The following AKAP12 variants were observed in gnomAD, a reference collection of about 807,000 sequenced individuals.
The protein encoded by AKAP12 is A-kinase anchoring protein 12.
A neutral mutation model predicts 79.9 loss-of-function variants in AKAP12; 32 were observed. The observed-to-expected ratio is 0.40, with a 90% CI of 0.30 to 0.54. AKAP12 has a LOEUF of 0.54. Among genes scored for constraint, AKAP12 ranks in the 20% least tolerant of loss-of-function variants. The pLI is 0.48. For synonymous variants in AKAP12, 808 were observed against 857.0 expected, an observed-to-expected ratio of 0.94 and a Z score of 1.00; for missense variants, 2,074 against 2,177.0, an observed-to-expected ratio of 0.95 and a Z score of 0.94.
intron 2 of AKAP12, among the ~76,000 whole-genome samples, chr6:151,277,876 A>T (rs1776314644): frequency 6.6e-6 from 1 of 152,124 alleles, no homozygotes; most frequent in African/African-American, 2.4e-5. Flanking sequence ...TACAGCATTA[A>T]TCATTGAAAT....
At chr6:151,286,061 A>T (rs1158664922) in intron 2 of AKAP12, among the ~76,000 whole-genome samples, 2 of 152,094 alleles carry the variant, frequency 1.3e-5, no homozygotes, top group African/African-American at 4.8e-5. Flanking sequence ...TATTTTTAGT[A>T]GGGACGAGGT....
At chr6:151,325,738 G>T in intron 3 of AKAP12, 1 of 1,554,966 alleles carries the variant, frequency 6.4e-7, no homozygotes, top group Non-Finnish European at 8.7e-7. Context: ...GGAGTGTCTG[G>T]GCGCTCAGTC....
intron 2 of AKAP12, among the ~76,000 whole-genome samples, chr6:151,284,019 G>C (rs1776454633): frequency 6.6e-6 from 1 of 152,188 alleles, no homozygotes; most frequent in Non-Finnish European, 1.5e-5. Flanking sequence ...GGGTTTGTCT[G>C]TGGTCAATTT....
At chr6:151,354,627 C>T (rs1327088109) in intron 4 of AKAP12, among the ~76,000 whole-genome samples, 20 of 152,142 alleles carry the variant, frequency 1.3e-4, no homozygotes, top group Admixed American at 1.3e-3. Flanking sequence ...CCGCCTTGGC[C>T]TCCCAAAGTG....
At chr6:151,328,790 A>G (rs1777599654) in intron 3 of AKAP12, among the ~76,000 whole-genome samples, 1 of 152,116 alleles carries the variant, frequency 6.6e-6, no homozygotes, top group Non-Finnish European at 1.5e-5. Context: ...AAATTTTACA[A>G]TTCATTAACA....
intron 3 of AKAP12, among the ~76,000 whole-genome samples, chr6:151,326,565 T>A (rs1777533797): frequency 6.6e-6 from 1 of 151,898 alleles, no homozygotes; most frequent in Non-Finnish European, 1.5e-5. Flanking sequence ...GCCGTGAGTA[T>A]GAATTATAAT....
At chr6:151,256,739 T>A (rs1025566969) in intron 2 of AKAP12, among the ~76,000 whole-genome samples, 1 of 151,946 alleles carries the variant, frequency 6.6e-6, no homozygotes, top group African/African-American at 2.4e-5. Flanking sequence ...AACCTCCACC[T>A]CCCAGGTTCA....
intron 2 of AKAP12, among the ~76,000 whole-genome samples, chr6:151,254,437 C>T (rs930470266): frequency 9.2e-5 from 14 of 151,992 alleles, no homozygotes; most frequent in African/African-American, 2.4e-4. Flanking sequence ...CTGCAACCTC[C>T]GCCTCCCAGG....
At chr6:151,280,245 A>G (rs182363300) in intron 2 of AKAP12, among the ~76,000 whole-genome samples, 1 of 152,078 alleles carries the variant, frequency 6.6e-6, no homozygotes, top group Non-Finnish European at 1.5e-5. Context: ...ATGATCTCCT[A>G]TTACAAGTAA....
intron 2 of AKAP12, among the ~76,000 whole-genome samples, chr6:151,274,132 C>T (rs947586441): frequency 1.4e-4 from 21 of 150,886 alleles, no homozygotes; most frequent in African/African-American, 4.9e-4. Flanking sequence ...AGGGCAGTGG[C>T]GCAATCTCGG....
chr6:151,341,057 C>CTT (rs11359622), intron 3 of AKAP12, among the ~76,000 whole-genome samples: 7 of 138,186 alleles, frequency 5.1e-5, no homozygotes, highest in African/African-American at 1.9e-4. Context: ...TCTTTTTTTT[C>CTT]TTTTTTTTTT....
At chr6:151,249,582 A>G (rs1797136861) in intron 2 of AKAP12, among the ~76,000 whole-genome samples, 1 of 152,242 alleles carries the variant, frequency 6.6e-6, no homozygotes, top group Admixed American at 6.5e-5. Flanking sequence ...TCTCTTTCAT[A>G]TATTTAGATC....
intron 2 of AKAP12, among the ~76,000 whole-genome samples, chr6:151,276,972 A>G (rs6557129): frequency 3.3e-5 from 5 of 152,172 alleles, no homozygotes; most frequent in African/African-American, 1.2e-4. Flanking sequence ...ACGGGCACAT[A>G]ATCAATTGAA....
intron 2 of AKAP12, among the ~76,000 whole-genome samples, chr6:151,305,169 GTTT>G (rs869087478): frequency 5.8e-5 from 8 of 136,952 alleles, no homozygotes; most frequent in African/African-American, 1.6e-4. Flanking sequence ...AGTCAGGGCT[GTTT>G]TTTTTTTTTT....
chr6:151,316,873 A>C (rs1339209182), intron 3 of AKAP12, among the ~76,000 whole-genome samples: 4 of 152,094 alleles, frequency 2.6e-5, no homozygotes, highest in Non-Finnish European at 5.9e-5. Context: ...CCTGACCTCA[A>C]GTGATCAGCC....
At chr6:151,288,817 C>T (rs755540565) in intron 2 of AKAP12, among the ~76,000 whole-genome samples, 14 of 152,130 alleles carry the variant, frequency 9.2e-5, no homozygotes, top group Admixed American at 2.0e-4. Flanking sequence ...ATTTGGGGAA[C>T]GAGGCCTGGT....
intron 2 of AKAP12, among the ~76,000 whole-genome samples, chr6:151,251,748 A>G (rs887095249): frequency 6.6e-6 from 1 of 152,202 alleles, no homozygotes; most frequent in Non-Finnish European, 1.5e-5. Flanking sequence ...TGTAATCCCA[A>G]TACTTTGGGA....
In AKAP12 at chr6:151,351,504, G is replaced by A. The variant is rs199964404; in HGVS notation, c.3113G>A (p.Arg1038Gln). 559 of 1,614,134 alleles carry A rather than the reference G, an allele frequency of 3.5e-4. 1 individual carries two copies. The highest frequency in any genetic ancestry group is 2.3e-3 in the East Asian group (105 of 44,870). ...CCTGACATAGAAGAGCAAGAGAGGCGGACTCAAGAGGTCCTCCAGGCAGTG... is the reference window on the plus strand; with the variant it reads ...CCTGACATAGAAGAGCAAGAGAGGCAGACTCAAGAGGTCCTCCAGGCAGTG... Reference protein sequence around the residue: ...GVPDIEEQERRTQEVLQAVAE... With the variant: ...GVPDIEEQERQTQEVLQAVAE... Residue 1038 changes from arginine to glutamine, a missense_variant, in exon 4 of 5, where the codon CGG becomes CAG. Physicochemically the swap from Arg to Gln is conservative, Grantham distance 43. This residue lies in a region of AKAP12 where 1,428 missense variants were observed against 1,451.0 expected (regional missense o/e 0.98). Transcript: ENST00000402676. The surrounding 1 kb of genome is among the most constrained non-coding windows in gnomAD (Gnocchi z 4.4).
At position 151,332,040 on chromosome 6, in the gene AKAP12, T is replaced by TGTTTTTG. The variant is rs879372000; in HGVS notation, c.320-16671_320-16670insGTTTTTG. On this transcript the variant is annotated intron_variant, in intron 3 of 4. Coordinates refer to ENST00000402676, the MANE Select transcript of AKAP12 (RefSeq NM_005100.4). ...ACGTCCAGTTCTGGGTCTGTTTTTT[T>TGTTTTTG]TTTTTTTTTTTTTTGAGACAGTCTC... Among the ~76,000 whole-genome samples, 758 of 139,460 alleles carry TGTTTTTG rather than the reference T, an allele frequency of 5.4e-3. 8 individuals are homozygous for TGTTTTTG. The highest frequency in any genetic ancestry group is 0.011 in the South Asian group (46 of 4,090). The allele number at this position is 139,460 out of a possible 152,430, so 91.5% of individuals were successfully genotyped here.
Sources: allele counts gnomAD v4.1 joint callset (sites outside exome capture counted in the v4.1 genomes callset), GRCh38; gene constraint gnomAD v4.1.1; regional missense constraint gnomAD v4.1.1; non-coding constraint Gnocchi (gnomAD v3.1); transcripts MANE v1.5; gene names NCBI Gene and HGNC (gene_info 2026-07-23, HGNC 2026-07-21).